Variants in DOT1L observed in about 807,000 individuals in gnomAD.
DOT1L encodes the protein histone-lysine N-methyltransferase, H3 lysine-79 specific.
Under a neutral mutation model 153.3 loss-of-function variants are expected in DOT1L, and 33 were observed. The ratio of observed to expected loss-of-function variants is 0.22; its 90% CI spans 0.16 to 0.29. DOT1L has a LOEUF of 0.29. Among genes scored for constraint, DOT1L ranks in the 10% least tolerant of loss-of-function variants. DOT1L has a pLI of 1.00. For missense variants in DOT1L, 1,847 were observed against 2,119.9 expected (o/e 0.87, Z 2.53); for synonymous variants, 1,135 against 965.1 (o/e 1.18, Z -3.26).
chr19:2,205,949 C>T (rs2023473673), intron 9 of DOT1L, among the ~76,000 whole-genome samples: 1 of 151,904 alleles, frequency 6.6e-6, no homozygotes, highest in South Asian at 2.1e-4. Flanking sequence ...CTTGGCCTCC[C>T]ATAATGCTGG....
In DOT1L at chr19:2,169,942, C is replaced by T. The variant is rs182609541; in HGVS notation, c.81+5677C>T. 2.5e-3 allele frequency among the ~76,000 whole-genome samples: 383 copies of T among 152,272 alleles called. 6 individuals are homozygous for T. The highest frequency in any genetic ancestry group is 0.01 in the Middle Eastern group (3 of 294). ...GAGGCCAAGGCGGGCAGATCACCTG[C>T]GGTCAGGAGTTCGAGACCAGCTTGG... is the stretch of plus-strand genomic sequence containing the variant. On this transcript the variant is annotated intron_variant, in intron 1 of 27. Coordinates refer to ENST00000398665, the MANE Select transcript of DOT1L (RefSeq NM_032482.3).
Position 2,209,193 on chromosome 19 carries a change from T to TC in DOT1L, c.1005+219dup, listed in dbSNP as rs1161125801. Reference sequence around the variant, plus strand: ...CCTTTCCTCCCTGTCCTCCCCCTCTTCCTCTCCTCTCCCAGCCCTTTTCTC... The same window carrying TC: ...CCTTTCCTCCCTGTCCTCCCCCTCTTCCCTCTCCTCTCCCAGCCCTTTTCTC... On this transcript the variant is annotated intron_variant, in intron 12 of 27. Transcript: ENST00000398665. Among the ~76,000 whole-genome samples the TC allele has an allele frequency of 2.6e-5, 4 of 151,394 alleles. No homozygotes were observed. In the East Asian group the frequency reaches 7.8e-4, roughly 30 times the overall value.
chr19:2,196,981 C>T (rs2023051012), intron 7 of DOT1L, among the ~76,000 whole-genome samples: 1 of 152,230 alleles, frequency 6.6e-6, no homozygotes, highest in South Asian at 2.1e-4. Flanking sequence ...CACCCCGTTG[C>T]TGTGATGGGT....
intron 18 of DOT1L, chr19:2,214,255 A>C: frequency 2.3e-6 from 2 of 877,248 alleles, no homozygotes; most frequent in Non-Finnish European, 3.4e-6. Flanking sequence ...GCATCCCACC[A>C]TCGTGGTGTG....
chr19:2,170,126 T>G (rs1163049519), intron 1 of DOT1L, among the ~76,000 whole-genome samples: 1 of 152,212 alleles, frequency 6.6e-6, no homozygotes, highest in Non-Finnish European at 1.5e-5. Flanking sequence ...AGAGTGAGAC[T>G]CTGTCTCAAA....
intron 23 of DOT1L, chr19:2,221,023 A>G (rs140112047): frequency 0.013 from 2,204 of 164,168 alleles, 53 homozygotes; most frequent in African/African-American, 0.049. Flanking sequence ...CTAAAAATAC[A>G]AAAATTAGCC....
intron 4 of DOT1L, among the ~76,000 whole-genome samples, 161 bp downstream of exon 4, chr19:2,189,956 G>T (rs1047683473): frequency 9.2e-5 from 14 of 152,166 alleles, no homozygotes; most frequent in African/African-American, 3.4e-4. Context: ...TGAGTGGTGT[G>T]GGGGCTGCCG....
rs1568368379 is a variant in DOT1L, at chr19:2,222,891, AC to A, written c.3390+333del. ...CTCCCTCTCGGGGGGACAAAAAAAA[AC>A]ACAAAAAAAAACAGGTGGAGGCAGG... On this transcript the variant is annotated intron_variant, in intron 24 of 27. Coordinates refer to ENST00000398665, the MANE Select transcript of DOT1L (RefSeq NM_032482.3). The surrounding 1 kb of genome is among the most constrained non-coding windows in gnomAD (Gnocchi z 6.5). The A allele has an allele frequency of 5.3e-6, 2 of 380,594 alleles. No individual in the cohort carries two copies. The highest frequency in any genetic ancestry group is 2.1e-5 in the African/African-American group (1 of 48,004). 23.6% of individuals were successfully genotyped at this position (380,594 alleles called of 1,614,324 possible). A position where few individuals can be genotyped will look rare whatever the true frequency, so the allele number is the denominator to read the frequency against.
chr19:2,192,226 G>A (rs1005366453), intron 5 of DOT1L, among the ~76,000 whole-genome samples: 1 of 152,262 alleles, frequency 6.6e-6, no homozygotes, highest in Admixed American at 6.5e-5. Flanking sequence ...GGGTGTGGCA[G>A]CTCACGCCTG....
Position 2,223,448 on chromosome 19 carries a change from C to A in DOT1L, c.3558C>A (p.Asp1186Glu). 1 of 1,612,948 alleles carries A rather than the reference C, an allele frequency of 6.2e-7. No homozygotes were observed. The highest frequency in any genetic ancestry group is 8.5e-7 in the Non-Finnish European group (1 of 1,179,904). ...NGAHYSPLTS[D>E]EEPGSEDEPS... Reference sequence around the variant, plus strand: ...CACACTACTCCCCACTCACCTCAGACGAGGAGCCAGGCTCTGAGGACGAGC... The same window carrying A: ...CACACTACTCCCCACTCACCTCAGAAGAGGAGCCAGGCTCTGAGGACGAGC... The change falls in exon 25 of 28, where the codon GAC becomes GAA. Residue 1186 changes from aspartate (D) to glutamate (E), a missense_variant. Asp to Glu is a conservative substitution (Grantham distance 45). Transcript: ENST00000398665.
rs545325917 is a variant in DOT1L at position 2,231,204 on chromosome 19, C to G, written c.*1412C>G. On this transcript the variant is annotated 3_prime_UTR_variant, in exon 28 of 28. Coordinates refer to ENST00000398665, the MANE Select transcript of DOT1L (RefSeq NM_032482.3). ...ATCTGGGAGTCTGAGCTCCCCGCAT[C>G]TGGCCCTGGGCTGTGTGGCACTTGC... The G allele has an allele frequency of 8.8e-6, 2 of 228,280 alleles. No homozygotes were observed. The highest frequency in any genetic ancestry group is 1.3e-4 in the East Asian group (2 of 15,980). The allele number at this position is 228,280 out of a possible 1,614,324, so 14.1% of individuals were successfully genotyped here.
intron 7 of DOT1L, among the ~76,000 whole-genome samples, chr19:2,198,712 C>T (rs114635834): frequency 0.028 from 4,288 of 152,270 alleles, 198 homozygotes; most frequent in African/African-American, 0.097. Context: ...GCCCAGGTGC[C>T]CTCACCCCCA....
intron 1 of DOT1L, among the ~76,000 whole-genome samples, chr19:2,178,344 C>A: frequency 7.3e-6 from 1 of 137,868 alleles, no homozygotes; most frequent in African/African-American, 2.7e-5. Flanking sequence ...GCCTGGCCAA[C>A]ATGGTGAAAC....
rs2024153763 is a variant in DOT1L at position 2,222,388 on chromosome 19, G to A, written c.3219G>A (p.Gly1073=). The change falls in exon 24 of 28, where the codon GGG becomes GGA. Residue 1073 remains glycine, a synonymous_variant. Transcript: ENST00000398665. This position sits in a 1 kb window ranked among gnomAD's most constrained non-coding sequence, Gnocchi z 6.5. The part of the protein sequence containing the change: ...KHSPLTASAR[G]DCVPSHGQDS... ...GCCCCCTGACCGCCAGCGCCCGTGG[G>A]GACTGTGTGCCGAGCCACGGGCAGG... 6.2e-7 allele frequency: 1 copy of A among 1,611,236 alleles called. No homozygotes were observed. Among genetic ancestry groups the A allele is most frequent in the Non-Finnish European group, 8.5e-7 (1 of 1,179,232 alleles).
At chr19:2,184,028 T>A (rs1029356857) in intron 2 of DOT1L, among the ~76,000 whole-genome samples, 1 of 152,224 alleles carries the variant, frequency 6.6e-6, no homozygotes, top group African/African-American at 2.4e-5. Flanking sequence ...GCTCTGGCGG[T>A]GTCCGCGCGT....
intron 8 of DOT1L, 123 bp downstream of exon 8, chr19:2,200,062 G>A (rs1794840258): frequency 3.6e-5 from 47 of 1,289,164 alleles, no homozygotes; most frequent in Non-Finnish European, 4.6e-5. Flanking sequence ...GAAAGAGGCC[G>A]GTGGGGACAG....
At chr19:2,184,514 TAGC>T (rs1347425125) in intron 2 of DOT1L, among the ~76,000 whole-genome samples, 2 of 151,996 alleles carry the variant, frequency 1.3e-5, no homozygotes, top group African/African-American at 4.8e-5. Flanking sequence ...CCGCTGGACT[TAGC>T]AGGTCAAGAG....
chr19:2,193,127 C>T lies in DOT1L; in HGVS notation c.494-562C>T, dbSNP rs1209339660. On this transcript the variant is annotated intron_variant, in intron 5 of 27. Coordinates refer to ENST00000398665, the MANE Select transcript of DOT1L (RefSeq NM_032482.3). This position sits in a 1 kb window ranked among gnomAD's most constrained non-coding sequence, Gnocchi z 5.9. The stretch of plus-strand genomic sequence containing the variant: ...TGCAGCCCCTGTTCCCTCCTTCTCC[C>T]TTAGAGCCGGGTGTTGCTGGGTTGT... Among the ~76,000 whole-genome samples, 1 of 152,210 alleles carries T rather than the reference C, an allele frequency of 6.6e-6. No homozygotes were observed. Among genetic ancestry groups the T allele is most frequent in the Non-Finnish European group, 1.5e-5 (1 of 68,034 alleles).
intron 2 of DOT1L, among the ~76,000 whole-genome samples, chr19:2,184,071 G>C (rs1362252895): frequency 6.6e-6 from 1 of 152,194 alleles, no homozygotes; most frequent in Non-Finnish European, 1.5e-5. Flanking sequence ...GCAGAACCAC[G>C]GGACTGAGTG....
Sources: gnomAD v4.1 joint callset for allele counts (sites outside exome capture counted in the v4.1 genomes callset) on GRCh38, gnomAD v4.1.1 for gene constraint, Gnocchi (gnomAD v3.1) non-coding constraint, MANE v1.5 for transcripts, NCBI Gene and HGNC (gene_info 2026-07-23, HGNC 2026-07-21) for gene names.